The following ARHGEF10L variants were observed in gnomAD, a reference collection of about 807,000 sequenced individuals.
ARHGEF10L encodes the protein Rho guanine nucleotide exchange factor 10 like.
In ARHGEF10L, 69 loss-of-function variants were observed where a neutral mutation model predicts 141.2. The observed-to-expected ratio is 0.49, with a 90% confidence interval of 0.40 to 0.60. The LOEUF (loss-of-function observed/expected upper bound fraction) is 0.60, where lower values mean the gene tolerates loss of function less well. Ranked by LOEUF, ARHGEF10L falls within the 20% of genes least tolerant of loss-of-function variation. The pLI, the probability that ARHGEF10L is intolerant of heterozygous loss-of-function variation, is 0.00. For synonymous variants in ARHGEF10L, 711 were observed against 718.5 expected (o/e 0.99, Z 0.17); for missense variants, 1,482 against 1,734.3 (o/e 0.85, Z 2.58).
At chr1:17,549,323 T>C (rs938073909) in intron 1 of ARHGEF10L, among the ~76,000 whole-genome samples, 1 of 152,184 alleles carries the variant, frequency 6.6e-6, no homozygotes, top group Non-Finnish European at 1.5e-5. Context: ...GTGCCCAGCC[T>C]CGTGAGTCTT....
chr1:17,620,603 A>G (rs1001908340), intron 10 of ARHGEF10L, among the ~76,000 whole-genome samples: 66 of 152,262 alleles, frequency 4.3e-4, no homozygotes, highest in African/African-American at 1.5e-3. Flanking sequence ...GGCTGCAGGC[A>G]GGGCAGTGGG....
intron 4 of ARHGEF10L, among the ~76,000 whole-genome samples, chr1:17,597,324 C>T (rs1385429894): frequency 6.6e-6 from 1 of 152,032 alleles, no homozygotes; most frequent in African/African-American, 2.4e-5. Context: ...TGTTTGTTCA[C>T]AGGGAGAATT....
intron 26 of ARHGEF10L, among the ~76,000 whole-genome samples, chr1:17,668,258 G>T (rs1418597011): frequency 1.3e-5 from 2 of 152,198 alleles, no homozygotes; most frequent in Non-Finnish European, 2.9e-5. Flanking sequence ...TGTTGTCAGT[G>T]GGTGTGGGGC....
At chr1:17,598,365 G>A (rs1446105302) in intron 4 of ARHGEF10L, among the ~76,000 whole-genome samples, 1 of 152,198 alleles carries the variant, frequency 6.6e-6, no homozygotes, top group Non-Finnish European at 1.5e-5. Context: ...ACCTTCCGAA[G>A]TTCAGGGATT....
intron 28 of ARHGEF10L, among the ~76,000 whole-genome samples, chr1:17,696,392 G>T (rs1176765397): frequency 6.6e-6 from 1 of 152,056 alleles, no homozygotes; most frequent in African/African-American, 2.4e-5. Context: ...TGGTCTCCTG[G>T]GGGTCATCAT....
chr1:17,634,917 G>A lies in ARHGEF10L; in HGVS notation c.1828G>A (p.Val610Met), dbSNP rs1377810931. ...KWNTALPQVQ[V>M]VEVGQDGGTY... Reference sequence around the variant, plus strand: ...GAACACGGCGCTGCCCCAGGTGCAGGTGGTGGAGGTGGGCCAGGACGGTGG... The same window carrying A: ...GAACACGGCGCTGCCCCAGGTGCAGATGGTGGAGGTGGGCCAGGACGGTGG... The change falls in exon 18 of 29, where the codon GTG becomes ATG. Residue 610 changes from valine to methionine, a missense_variant. Transcript: ENST00000361221. 3.1e-6 allele frequency: 5 copies of A among 1,614,020 alleles called. No homozygotes were observed. In the South Asian group the frequency reaches 5.5e-5, roughly 18 times the overall value.
chr1:17,672,191 C>G (rs1471835946), intron 26 of ARHGEF10L, among the ~76,000 whole-genome samples: 3 of 135,436 alleles, frequency 2.2e-5, no homozygotes, highest in East Asian at 2.6e-4. Context: ...CCCCTGCCCA[C>G]CCCCCGCCCC....
intron 15 of ARHGEF10L, among the ~76,000 whole-genome samples, chr1:17,629,680 CT>C (rs1422360179): frequency 6.6e-6 from 1 of 152,198 alleles, no homozygotes; most frequent in African/African-American, 2.4e-5. Context: ...TCTCCACCCC[CT>C]GGTTCCAGGC....
At chr1:17,592,863 G>A (rs1040093401) in intron 4 of ARHGEF10L, among the ~76,000 whole-genome samples, 2 of 152,114 alleles carry the variant, frequency 1.3e-5, no homozygotes, top group Admixed American at 6.5e-5. Context: ...CCGGCTCTCC[G>A]CCCATGGAGT....
intron 25 of ARHGEF10L, among the ~76,000 whole-genome samples, chr1:17,659,165 G>C (rs2062456142): frequency 6.6e-6 from 1 of 152,178 alleles, no homozygotes; most frequent in Non-Finnish European, 1.5e-5. Flanking sequence ...GAGGCAGGTT[G>C]GCTGGCTGGG....
At chr1:17,690,428 T>A (rs556316936) in intron 27 of ARHGEF10L, among the ~76,000 whole-genome samples, 1 of 152,242 alleles carries the variant, frequency 6.6e-6, no homozygotes, top group Non-Finnish European at 1.5e-5. Flanking sequence ...CCAGCAGCGG[T>A]CCATGATGGT....
intron 4 of ARHGEF10L, among the ~76,000 whole-genome samples, chr1:17,592,006 C>T (rs1318760476): frequency 2.0e-5 from 3 of 152,334 alleles, no homozygotes; most frequent in East Asian, 1.9e-4. Flanking sequence ...GGCCTGTCTG[C>T]CCTCAAAGCT....
chr1:17,594,351 C>A lies in ARHGEF10L; in HGVS notation c.257+5872C>A, dbSNP rs1280538151. ...GCCAGAGTTAACCCCAGCTGGCTTC[C>A]AGAACCTGTGTTCTAATCCCTCTGG... On this transcript the variant is annotated intron_variant, in intron 4 of 28. Transcript: ENST00000361221. 2.6e-5 allele frequency among the ~76,000 whole-genome samples: 4 copies of A among 152,242 alleles called. No homozygotes were observed. In the East Asian group the frequency reaches 7.8e-4, roughly 30 times the overall value.
At chr1:17,593,715 C>T (rs2079809964) in intron 4 of ARHGEF10L, among the ~76,000 whole-genome samples, 1 of 152,012 alleles carries the variant, frequency 6.6e-6, no homozygotes, top group African/African-American at 2.4e-5. Flanking sequence ...CCCTTGATGG[C>T]CTTCTGACCT....
intron 1 of ARHGEF10L, among the ~76,000 whole-genome samples, chr1:17,553,758 C>T (rs1437760267): frequency 6.6e-6 from 1 of 152,186 alleles, no homozygotes; most frequent in Non-Finnish European, 1.5e-5. Flanking sequence ...CACTGCACTC[C>T]AGCCTGGGCA....
At chr1:17,592,521 CAG>C (rs1159060872) in intron 4 of ARHGEF10L, among the ~76,000 whole-genome samples, 4 of 152,078 alleles carry the variant, frequency 2.6e-5, no homozygotes, top group Admixed American at 6.5e-5. Context: ...CTGGATGTAT[CAG>C]GGGCTGAGAG....
intron 6 of ARHGEF10L, among the ~76,000 whole-genome samples, chr1:17,606,712 CCA>C (rs35753520): frequency 1.1e-4 from 16 of 152,266 alleles, no homozygotes; most frequent in African/African-American, 3.9e-4. Flanking sequence ...GCGTCTGACC[CCA>C]GTTTCATGAG....
rs2059976148 is a variant in ARHGEF10L, at chr1:17,619,258, G to C, written c.836-81G>C. ...AGGACCTGGGTCCAAGGCTGGTCTA[G>C]GGGGGCTCTCAGCTCCTGAGGCCTG... On this transcript the variant is annotated intron_variant, in intron 9 of 28. Transcript: ENST00000361221. The surrounding 1 kb of genome is among the most constrained non-coding windows in gnomAD (Gnocchi z 5.0). The C allele has an allele frequency of 1.4e-6, 2 of 1,404,236 alleles. No individual in the cohort carries two copies. The highest frequency in any genetic ancestry group is 2.0e-6 in the Non-Finnish European group (2 of 1,008,986). The allele number at this position is 1,404,236 out of a possible 1,614,324, so 87.0% of individuals were successfully genotyped here.
Position 17,632,455 on chromosome 1 carries a change from C to T in ARHGEF10L, c.1719C>T (p.Asn573=), listed in dbSNP as rs1223538623. The change falls in exon 16 of 29, where the codon AAC becomes AAT. Residue 573 remains asparagine, a synonymous_variant. Coordinates refer to ENST00000361221, the MANE Select transcript of ARHGEF10L (RefSeq NM_018125.4). ...TCAACGACATGCTTGTCTGTGCCAA[C>T]ATCAACTTCAAGTAAGTGGGCCTGG... ...FLLNDMLVCA[N]INFKPANHRG... is the part of the protein sequence containing the mutation. 5 of 1,614,148 alleles carry T rather than the reference C, an allele frequency of 3.1e-6. No individual in the cohort carries two copies. The South Asian group carries it at 3.3e-5, about 11-fold the overall frequency.
Sources: gnomAD v4.1 joint callset for allele counts (sites outside exome capture counted in the v4.1 genomes callset) on GRCh38, gnomAD v4.1.1 for gene constraint, Gnocchi (gnomAD v3.1) non-coding constraint, MANE v1.5 for transcripts, NCBI Gene and HGNC (gene_info 2026-07-23, HGNC 2026-07-21) for gene names.